The following FNBP1 variants were observed in gnomAD, a reference collection of about 807,000 sequenced individuals.
The protein encoded by FNBP1 is formin-binding protein 1.
In FNBP1, 26 loss-of-function variants were observed where a neutral mutation model predicts 90.6. That is an observed-to-expected ratio of 0.29 (90% confidence interval 0.21 to 0.40). FNBP1 has a LOEUF of 0.40. FNBP1 is among the 10% of genes least tolerant of loss of function. FNBP1 has a pLI of 1.00. For missense variants in FNBP1, 635 were observed against 768.0 expected (o/e 0.83, Z 2.05); for synonymous variants, 260 against 265.2 (o/e 0.98, Z 0.19).
At chr9:129,968,229 T>A (rs2048914977) in intron 4 of FNBP1, among the ~76,000 whole-genome samples, 1 of 151,898 alleles carries the variant, frequency 6.6e-6, no homozygotes, top group African/African-American at 2.4e-5. Context: ...ACCTCGTCTG[T>A]ACTAAAAATA....
intron 2 of FNBP1, among the ~76,000 whole-genome samples, chr9:129,989,553 A>C (rs1433291233): frequency 6.6e-6 from 1 of 151,818 alleles, no homozygotes; most frequent in Non-Finnish European, 1.5e-5. Context: ...GCACAACCCA[A>C]AGATCTCCAC....
At chr9:129,999,856 T>A (rs913136803) in intron 1 of FNBP1, among the ~76,000 whole-genome samples, 12 of 152,210 alleles carry the variant, frequency 7.9e-5, no homozygotes, top group African/African-American at 2.9e-4. Flanking sequence ...TCTAGCTTAA[T>A]AGAAGACAGC....
chr9:130,013,118 A>C (rs2056833465), intron 1 of FNBP1, among the ~76,000 whole-genome samples: 1 of 152,114 alleles, frequency 6.6e-6, no homozygotes, highest in Non-Finnish European at 1.5e-5. Flanking sequence ...TGGTATCTAG[A>C]ATATAGATAG....
At chr9:130,029,285 C>A (rs2058608635) in intron 1 of FNBP1, among the ~76,000 whole-genome samples, 1 of 151,944 alleles carries the variant, frequency 6.6e-6, no homozygotes, top group Non-Finnish European at 1.5e-5. Flanking sequence ...CCACCTCTGG[C>A]TAATTTTTTG....
chr9:130,030,851 G>T (rs1415063357), intron 1 of FNBP1, among the ~76,000 whole-genome samples: 1 of 152,168 alleles, frequency 6.6e-6, no homozygotes. Context: ...TAAGAAATTT[G>T]CTAGCTTAAA....
chr9:129,963,344 T>G (rs2048104689), intron 4 of FNBP1, among the ~76,000 whole-genome samples: 1 of 151,934 alleles, frequency 6.6e-6, no homozygotes, highest in Non-Finnish European at 1.5e-5. Flanking sequence ...AAAAAAAAAG[T>G]CTTATTTTAA....
chr9:130,023,074 T>C (rs544977903), intron 1 of FNBP1, among the ~76,000 whole-genome samples: 2 of 151,606 alleles, frequency 1.3e-5, no homozygotes, highest in Non-Finnish European at 2.9e-5. Context: ...ATATTATAAG[T>C]GGTAAAAGGT....
intron 6 of FNBP1, among the ~76,000 whole-genome samples, chr9:129,948,356 CTTTTTTTTTTTTT>C (rs71385491): frequency 6.2e-5 from 4 of 64,480 alleles, no homozygotes; most frequent in African/African-American, 2.8e-4. Flanking sequence ...ATTTTGGTGT[CTTTTTTTTTTTTT>C]TTTTTTTTTT....
At chr9:130,038,807 CAGAG>C (rs1464499189) in intron 1 of FNBP1, among the ~76,000 whole-genome samples, 2 of 152,118 alleles carry the variant, frequency 1.3e-5, no homozygotes, top group African/African-American at 4.8e-5. Flanking sequence ...TAAATAAAGA[CAGAG>C]AGGATACTAG....
chr9:130,008,011 A>T lies in FNBP1; in HGVS notation c.25-13053T>A, dbSNP rs2056035061. ...AGACTCTGTCTCAAAAAAAAAAAAA[A>T]AAATTAAACTGCTTACTTTTTTTCA... On this transcript the variant is annotated intron_variant, in intron 1 of 16. Transcript: ENST00000446176. 1.3e-5 allele frequency among the ~76,000 whole-genome samples: 2 copies of T among 149,720 alleles called. 1 individual carries two copies. Among genetic ancestry groups the T allele is most frequent in the South Asian group, 4.3e-4 (2 of 4,704 alleles).
chr9:129,980,836 G>C (rs897581150), intron 2 of FNBP1, among the ~76,000 whole-genome samples: 2 of 151,916 alleles, frequency 1.3e-5, no homozygotes, highest in Middle Eastern at 6.8e-3. Context: ...TGGATCACGA[G>C]GTCAGGAGAT....
intron 6 of FNBP1, among the ~76,000 whole-genome samples, chr9:129,945,456 C>T (rs1290297517): frequency 6.6e-6 from 1 of 152,090 alleles, no homozygotes; most frequent in African/African-American, 2.4e-5. Flanking sequence ...TTAGAAGAAA[C>T]AGAAACGTGG....
chr9:130,036,522 CA>C (rs1490134551), intron 1 of FNBP1, among the ~76,000 whole-genome samples: 17 of 152,358 alleles, frequency 1.1e-4, no homozygotes, highest in African/African-American at 4.1e-4. Flanking sequence ...ATCTAAATAT[CA>C]ACTGCAAAAT....
chr9:130,040,439 C>T (rs928967268), intron 1 of FNBP1, among the ~76,000 whole-genome samples: 23 of 151,776 alleles, frequency 1.5e-4, no homozygotes, highest in African/African-American at 5.3e-4. Context: ...GCCAACACGG[C>T]GAAACCCCGT....
intron 6 of FNBP1, among the ~76,000 whole-genome samples, chr9:129,942,477 C>A (rs2044474050): frequency 6.6e-6 from 1 of 152,192 alleles, no homozygotes. Context: ...CTTACCTCAA[C>A]CTGCCAGTCT....
At chr9:129,892,604 T>C (rs1162798456) in intron 16 of FNBP1, among the ~76,000 whole-genome samples, 1 of 152,208 alleles carries the variant, frequency 6.6e-6, no homozygotes. Flanking sequence ...AGTGTAACTT[T>C]CAAATAAAAG....
intron 12 of FNBP1, among the ~76,000 whole-genome samples, chr9:129,905,944 C>T (rs955423442): frequency 2.0e-5 from 3 of 148,984 alleles, no homozygotes; most frequent in South Asian, 2.1e-4. Flanking sequence ...AATGTAATGG[C>T]GCGATCTCAG....
the FNBP1 span, among the ~76,000 whole-genome samples, chr9:130,048,491 C>CTTTTTTTTTTT: frequency 0.039 from 4,072 of 104,776 alleles, 415 homozygotes; most frequent in Non-Finnish European, 0.043. Flanking sequence ...CCTCAGTTTC[C>CTTTTTTTTTTT]TTTTTTTTTT....
chr9:129,927,095 T>C (rs559226231), intron 8 of FNBP1, 100 bp downstream of exon 8: 26 of 1,219,522 alleles, frequency 2.1e-5, no homozygotes, highest in Non-Finnish European at 2.8e-5. Flanking sequence ...AAAGCAACCA[T>C]CCACCATGAG....
Sources: gnomAD v4.1 joint callset for allele counts (sites outside exome capture counted in the v4.1 genomes callset) on GRCh38, gnomAD v4.1.1 for gene constraint, MANE v1.5 for transcripts, NCBI Gene and HGNC (gene_info 2026-07-23, HGNC 2026-07-21) for gene names.